Variants in TSBP1 observed in about 807,000 individuals in gnomAD.
The protein encoded by TSBP1 is testis-expressed basic protein 1.
In TSBP1, 56 loss-of-function variants were observed where a neutral mutation model predicts 68.8. The ratio of observed to expected loss-of-function variants is 0.81; its 90% CI spans 0.66 to 1.02. The LOEUF is 1.02. TSBP1 is among the 50% of genes least tolerant of loss of function. TSBP1 has a pLI of 0.00. For missense variants in TSBP1, 502 were observed against 641.2 expected, an observed-to-expected ratio of 0.78 and a Z score of 2.34; for synonymous variants, 171 against 208.7, an observed-to-expected ratio of 0.82 and a Z score of 1.56.
At chr6:32,323,092 G>T in intron 18 of TSBP1, 25 bp downstream of exon 19, 3 of 1,552,858 alleles carry the variant, frequency 1.9e-6, no homozygotes, top group South Asian at 1.1e-5. Context: ...GAGAACCAAA[G>T]AAGAAAAAGA....
chr6:32,330,664 A>T, intron 15 of TSBP1, 55 bp from the exon 17 acceptor site: 1 of 1,473,326 alleles, frequency 6.8e-7, no homozygotes, highest in East Asian at 2.4e-5. Context: ...ACACACACAC[A>T]CACACACACA....
At chr6:32,368,954 C>T (rs1011507122) in intron 2 of TSBP1, 140 bp from the exon 3 acceptor site, 53 of 975,396 alleles carry the variant, frequency 5.4e-5, no homozygotes, top group Non-Finnish European at 7.3e-5. Context: ...TGTTCTCACC[C>T]ATTTTCCACA....
Position 32,368,825 on chromosome 6 carries a change from A to C in TSBP1, c.101-11T>G. The C allele has an allele frequency of 6.3e-7, 1 of 1,587,926 alleles. No homozygotes were observed. Among genetic ancestry groups the C allele is most frequent in the Non-Finnish European group, 8.6e-7 (1 of 1,163,122 alleles). On this transcript the variant is annotated splice_polypyrimidine_tract_variant and intron_variant, in intron 2 of 22. Coordinates refer to ENST00000612031, the Ensembl canonical transcript of TSBP1. ...TGGAGATATACATTTCTGTGGAAGA[A>C]TTAGGCAAAATGTTTTTATTAGTTA...
intron 19 of TSBP1, among the ~76,000 whole-genome samples, chr6:32,308,839 G>C (rs1284826335): frequency 2.0e-5 from 3 of 151,454 alleles, no homozygotes. Flanking sequence ...AATTATCTTA[G>C]TTCATAATCA....
intron 14 of TSBP1, 109 bp from the exon 16 acceptor site, chr6:32,332,163 G>A (rs1379587572): frequency 1.3e-6 from 1 of 780,576 alleles, no homozygotes. Flanking sequence ...GGGAGAGGAA[G>A]TGATATCAGT....
intron 15 of TSBP1, among the ~76,000 whole-genome samples, 166 bp downstream of exon 16, chr6:32,331,868 C>A (rs1010565427): frequency 6.6e-6 from 1 of 152,134 alleles, no homozygotes; most frequent in African/African-American, 2.4e-5. Context: ...TTTTCTTTAA[C>A]CCTCGCCTTC....
intron 6 of TSBP1, among the ~76,000 whole-genome samples, chr6:32,359,560 G>A (rs1008621015): frequency 6.6e-6 from 1 of 152,114 alleles, no homozygotes; most frequent in Non-Finnish European, 1.5e-5. Flanking sequence ...TTTGTCAGAT[G>A]AGTAGATTGC....
chr6:32,335,377 T>C lies in TSBP1; in HGVS notation c.472+60A>G, dbSNP rs115212456. ...TGGGCATGAATAATTGAAATAAAAA[T>C]AGATTGATGTTCTAAGTAAAGTACT... On this transcript the variant is annotated intron_variant, in intron 14 of 22. Coordinates refer to ENST00000612031, the Ensembl canonical transcript of TSBP1. The surrounding 1 kb of genome is among the most constrained non-coding windows in gnomAD (Gnocchi z 5.5). 0.012 allele frequency: 17,611 copies of C among 1,445,300 alleles called. 196 individuals carry two copies. The highest frequency in any genetic ancestry group is 0.047 in the African/African-American group (3,192 of 67,426). The allele number at this position is 1,445,300 out of a possible 1,614,324, so 89.5% of individuals were successfully genotyped here.
chr6:32,304,962 C>A lies in TSBP1; in HGVS notation c.581-2333G>T, dbSNP rs1765645811. 1.3e-5 allele frequency among the ~76,000 whole-genome samples: 2 copies of A among 152,098 alleles called. No homozygotes were observed. Among genetic ancestry groups the A allele is most frequent in the African/African-American group, 4.8e-5 (2 of 41,406 alleles). On this transcript the variant is annotated intron_variant, in intron 19 of 22. Transcript: ENST00000612031. This position sits in a 1 kb window ranked among gnomAD's most constrained non-coding sequence, Gnocchi z 4.8. ...GTATTCTCCTTCTAGATTTCCATTA[C>A]TAAGTTTACTTACTCTTTGCCTTAC...
At chr6:32,341,609 A>G (rs9268255) in intron 9 of TSBP1, among the ~76,000 whole-genome samples, 1,643 of 152,318 alleles carry the variant, frequency 0.011, 15 homozygotes, top group Middle Eastern at 0.027. Context: ...AGTGAGCACC[A>G]TCTATACTTC....
chr6:32,294,406 C>T (rs1764488971), intron 22 of TSBP1, among the ~76,000 whole-genome samples: 1 of 152,034 alleles, frequency 6.6e-6, no homozygotes, highest in Admixed American at 6.6e-5. Flanking sequence ...TTATATTTCT[C>T]AAGACAGAAA....
At chr6:32,293,750 A>C (rs1440315678) in exon 23 of TSBP1, 2 of 1,612,632 alleles carry the variant, frequency 1.2e-6, no homozygotes. Context: ...ACTGATTTTT[A>C]GTTGGGTTTC....
At position 32,301,096 on chromosome 6, in the gene TSBP1, A is replaced by ATGGCTC. The variant is rs527815507; in HGVS notation, c.602-402_602-397dup. On this transcript the variant is annotated intron_variant, in intron 20 of 22. Transcript: ENST00000612031. Reference sequence around the variant, plus strand: ...CAGGCTGCAGTGCAGTGGCATGAACATGGCTCACTGCAGCTTCCACTTCCG... The same window carrying ATGGCTC: ...CAGGCTGCAGTGCAGTGGCATGAACATGGCTCTGGCTCACTGCAGCTTCCACTTCCG... 9.2e-5 allele frequency among the ~76,000 whole-genome samples: 14 copies of ATGGCTC among 152,152 alleles called. 1 individual carries two copies. The South Asian group carries it at 2.7e-3, about 29-fold the overall frequency.
At chr6:32,339,069 A>G in intron 10 of TSBP1, 70 bp from the exon 12 acceptor site, 1 of 1,254,718 alleles carries the variant, frequency 8.0e-7, no homozygotes, top group East Asian at 2.3e-5. Context: ...AGGGAGTTTC[A>G]GATCAAGCAT....
intron 22 of TSBP1, among the ~76,000 whole-genome samples, chr6:32,299,118 G>C (rs1765018881): frequency 6.6e-6 from 1 of 152,330 alleles, no homozygotes; most frequent in African/African-American, 2.4e-5. Context: ...AGTGGGAAGA[G>C]TGTGTATTTT....
At chr6:32,299,835 C>T in intron 22 of TSBP1, 87 bp downstream of exon 25, 1 of 1,071,878 alleles carries the variant, frequency 9.3e-7, no homozygotes. Context: ...AAGCACAGGC[C>T]TCTATTTTGG....
rs1262238921 is a variant in TSBP1 at position 32,302,097 on chromosome 6, C to G, written c.601+512G>C. Reference sequence around the variant, plus strand: ...TCATTCTTTTATATATTGTCTATGACTGTTTTTGTGCTACAACAGCAGGGT... The same window carrying G: ...TCATTCTTTTATATATTGTCTATGAGTGTTTTTGTGCTACAACAGCAGGGT... On this transcript the variant is annotated intron_variant, in intron 20 of 22. Transcript: ENST00000612031. This position sits in a 1 kb window ranked among gnomAD's most constrained non-coding sequence, Gnocchi z 5.1. Among the ~76,000 whole-genome samples, 1 of 151,828 alleles carries G rather than the reference C, an allele frequency of 6.6e-6. No homozygotes were observed. The highest frequency in any genetic ancestry group is 2.4e-5 in the African/African-American group (1 of 41,302).
In TSBP1 at chr6:32,321,615, G is replaced by T. The variant is rs1767648445; in HGVS notation, c.559+1502C>A. 6.6e-6 allele frequency among the ~76,000 whole-genome samples: 1 copy of T among 152,126 alleles called. No individual in the cohort carries two copies. The highest frequency in any genetic ancestry group is 2.1e-4 in the South Asian group (1 of 4,828). ...CTTAGCCGATCAGCCTCTTTGCTAAGGCTTCAGAAAGATGTGTGGATGAGG... is the reference window on the plus strand; with the variant it reads ...CTTAGCCGATCAGCCTCTTTGCTAATGCTTCAGAAAGATGTGTGGATGAGG... On this transcript the variant is annotated intron_variant, in intron 18 of 22. Transcript: ENST00000612031. This position sits in a 1 kb window ranked among gnomAD's most constrained non-coding sequence, Gnocchi z 4.3.
chr6:32,346,409 C>G (rs537774129), intron 9 of TSBP1, among the ~76,000 whole-genome samples: 2 of 149,366 alleles, frequency 1.3e-5, no homozygotes, highest in African/African-American at 5.0e-5. Flanking sequence ...CCTAATCGGA[C>G]GTTCCTTCCA....
Sources: allele counts gnomAD v4.1 joint callset (sites outside exome capture counted in the v4.1 genomes callset), GRCh38; gene constraint gnomAD v4.1.1; non-coding constraint Gnocchi (gnomAD v3.1); transcripts MANE v1.5; gene names NCBI Gene and HGNC (gene_info 2026-07-23, HGNC 2026-07-21).